DOCK9: variants seen among roughly 807,000 people sequenced by gnomAD.
The protein encoded by DOCK9 is dedicator of cytokinesis 9.
In DOCK9, 89 loss-of-function variants were observed where a neutral mutation model predicts 263.3. That is an observed-to-expected ratio of 0.34 (90% CI 0.28 to 0.40). The LOEUF is 0.40. Ranked by LOEUF, DOCK9 falls within the 10% of genes least tolerant of loss-of-function variation. The pLI, the probability that DOCK9 is intolerant of heterozygous loss-of-function variation, is 1.00. For synonymous variants in DOCK9, 976 were observed against 973.1 expected (o/e 1.00, Z -0.06); for missense variants, 2,140 against 2,603.4 (o/e 0.82, Z 3.87).
intron 1 of DOCK9, among the ~76,000 whole-genome samples, chr13:99,038,374 G>C (rs1174265578): frequency 1.6e-5 from 2 of 126,688 alleles, no homozygotes; most frequent in African/African-American, 3.0e-5. Context: ...GCGTGACCTT[G>C]GCTCACTGCA....
Position 98,888,266 on chromosome 13 carries a change from G to A in DOCK9, c.1978-43C>T, listed in dbSNP as rs754886211. 1.3e-5 allele frequency: 21 copies of A among 1,603,624 alleles called. No individual in the cohort carries two copies. The South Asian group carries it at 1.9e-4, about 15-fold the overall frequency. On this transcript the variant is annotated intron_variant, in intron 17 of 52. Coordinates refer to ENST00000682017, the MANE Select transcript of DOCK9 (RefSeq NM_001366683.2). ...ACAGAATAAGAAAAAACAACAGAAA[G>A]TCAGACTATGTAAGTATTTATAAAA...
In DOCK9 at chr13:98,879,929, G is replaced by T; in HGVS notation, c.2912C>A (p.Ala971Asp). 1 of 1,609,886 alleles carries T rather than the reference G, an allele frequency of 6.2e-7. No homozygotes were observed. The highest frequency in any genetic ancestry group is 1.1e-5 in the South Asian group (1 of 89,954). Residue 971 changes from alanine (A) to aspartate (D), a missense_variant, in exon 27 of 53, where the codon GCT becomes GAT. Coordinates refer to ENST00000682017, the MANE Select transcript of DOCK9 (RefSeq NM_001366683.2). ...TTTGGAGTTCTCTATCAAATGCTGA[G>T]CCATAGATTTGATCAGTACATCAAA... ...FFFDVLIKSM[A>D]QHLIENSKVK...
intron 39 of DOCK9, among the ~76,000 whole-genome samples, chr13:98,836,535 G>A (rs894126689): frequency 2.6e-5 from 4 of 152,040 alleles, no homozygotes; most frequent in Non-Finnish European, 4.4e-5. Flanking sequence ...CTGCTGGCCC[G>A]GATACCACAC....
intron 1 of DOCK9, among the ~76,000 whole-genome samples, chr13:98,967,429 A>G (rs1310902427): frequency 1.3e-5 from 2 of 152,216 alleles, no homozygotes; most frequent in Non-Finnish European, 2.9e-5. Flanking sequence ...TCACCATTTC[A>G]CTGATGAGGA....
chr13:98,996,937 T>A (rs374338567), intron 1 of DOCK9, among the ~76,000 whole-genome samples: 1 of 152,240 alleles, frequency 6.6e-6, no homozygotes, highest in African/African-American at 2.4e-5. Flanking sequence ...AAGAAACTCC[T>A]TGCATACTAA....
chr13:99,052,554 T>C (rs2040743687), intron 1 of DOCK9, among the ~76,000 whole-genome samples: 1 of 152,170 alleles, frequency 6.6e-6, no homozygotes, highest in African/African-American at 2.4e-5. Context: ...GTTGGCCACT[T>C]GTATGTCTTC....
chr13:98,935,866 C>A (rs1469524511), intron 2 of DOCK9, among the ~76,000 whole-genome samples: 1 of 152,148 alleles, frequency 6.6e-6, no homozygotes, highest in Non-Finnish European at 1.5e-5. Flanking sequence ...CCAATGGGGC[C>A]GTCAATGTTT....
rs1475542481 is a variant in DOCK9 at position 98,885,698 on chromosome 13, C to CT, written c.2260+9_2260+10insA. 1.9e-6 allele frequency: 3 copies of CT among 1,599,872 alleles called. No homozygotes were observed. Among genetic ancestry groups the CT allele is most frequent in the Non-Finnish European group, 2.6e-6 (3 of 1,174,906 alleles). ...TATTTAAAATCAAAGGAATGGTAAGCCCCCCCAACCTTGGGTTTCAACGAC... is the reference window on the plus strand; with the variant it reads ...TATTTAAAATCAAAGGAATGGTAAGCTCCCCCCAACCTTGGGTTTCAACGAC... On this transcript the variant is annotated intron_variant, in intron 20 of 52. Transcript: ENST00000682017.
intron 50 of DOCK9, 66 bp downstream of exon 50, chr13:98,800,222 G>A (rs905219891): frequency 4.7e-6 from 7 of 1,478,596 alleles, no homozygotes; most frequent in Admixed American, 4.4e-5. Context: ...TAGTGGAAAC[G>A]ACTCTCAAGT....
intron 39 of DOCK9, among the ~76,000 whole-genome samples, chr13:98,832,627 T>C (rs1474931427): frequency 2.0e-5 from 3 of 152,216 alleles, no homozygotes; most frequent in Non-Finnish European, 4.4e-5. Context: ...AACTGTAGAA[T>C]ATACACAGCA....
chr13:98,868,765 T>C (rs1284896701), intron 27 of DOCK9, among the ~76,000 whole-genome samples: 1 of 152,130 alleles, frequency 6.6e-6, no homozygotes, highest in East Asian at 1.9e-4. Flanking sequence ...AAAAACCCCA[T>C]AAAACCTCAG....
chr13:98,831,267 G>A, intron 41 of DOCK9, 81 bp downstream of exon 41: 1 of 1,417,352 alleles, frequency 7.1e-7, no homozygotes, highest in Non-Finnish European at 9.5e-7. Context: ...AGGTAAATTG[G>A]TTAATGTGAT....
At chr13:98,988,505 G>A (rs537838476) in intron 1 of DOCK9, among the ~76,000 whole-genome samples, 12 of 152,158 alleles carry the variant, frequency 7.9e-5, no homozygotes, top group East Asian at 1.9e-4. Flanking sequence ...CCGGTTCAAG[G>A]TCAGAGCTGT....
Position 98,864,874 on chromosome 13 carries a change from C to T in DOCK9, c.3287-1326G>A, listed in dbSNP as rs913036124. ...TTCTCGCTTTGAGTTCATGCGAGAT[C>T]TGGTTGTTTACGAGAGTGTGGCGCC... On this transcript the variant is annotated intron_variant, in intron 30 of 52. Coordinates refer to ENST00000682017, the MANE Select transcript of DOCK9 (RefSeq NM_001366683.2). Among the ~76,000 whole-genome samples, 81 of 152,064 alleles carry T rather than the reference C, an allele frequency of 5.3e-4. 1 individual carries two copies. Among genetic ancestry groups the T allele is most frequent in the Admixed American group, 4.7e-3 (72 of 15,268 alleles).
At chr13:98,979,229 T>TAGTAGTAGTAGTAGTAGCAGCAGCAGC (rs1555439294), upstream of DOCK9, among the ~76,000 whole-genome samples, 29 of 125,048 alleles carry the variant, frequency 2.3e-4, no homozygotes, top group South Asian at 5.2e-4. Flanking sequence ...GTAGTAGTAG[T>TAGTAGTAGTAGTAGTAGCAGCAGCAGC]AGCAGCAGCG....
At chr13:98,881,737 A>C in intron 24 of DOCK9, 110 bp from the exon 25 acceptor site, 1 of 1,293,404 alleles carries the variant, frequency 7.7e-7, no homozygotes, top group Non-Finnish European at 1.1e-6. Context: ...TTAGGAAACA[A>C]GGAGACAAGG....
chr13:98,901,392 G>A (rs1481502620), intron 13 of DOCK9, among the ~76,000 whole-genome samples: 1 of 152,130 alleles, frequency 6.6e-6, no homozygotes, highest in Non-Finnish European at 1.5e-5. Context: ...GGCATCTCCT[G>A]GTCTCCAGCC....
At chr13:99,010,542 T>C (rs939813985) in intron 1 of DOCK9, among the ~76,000 whole-genome samples, 2 of 152,178 alleles carry the variant, frequency 1.3e-5, no homozygotes, top group African/African-American at 4.8e-5. Context: ...GCTTCCTAAA[T>C]GAGTTGAACT....
rs753178723 is a variant in DOCK9 at position 98,824,524 on chromosome 13, G to A, written c.5024-20C>T. ...ACACGCCTAGGAAGAGAGGAAGGAGGGACAGTCAGAGTTAGGAACCTGAAC... is the reference window on the plus strand; with the variant it reads ...ACACGCCTAGGAAGAGAGGAAGGAGAGACAGTCAGAGTTAGGAACCTGAAC... On this transcript the variant is annotated intron_variant, in intron 44 of 52. Coordinates refer to ENST00000682017, the MANE Select transcript of DOCK9 (RefSeq NM_001366683.2). The A allele has an allele frequency of 6.2e-7, 1 of 1,609,586 alleles. No homozygotes were observed. Among genetic ancestry groups the A allele is most frequent in the Non-Finnish European group, 8.5e-7 (1 of 1,176,304 alleles).
Sources: allele counts gnomAD v4.1 joint callset (sites outside exome capture counted in the v4.1 genomes callset), GRCh38; gene constraint gnomAD v4.1.1; transcripts MANE v1.5; gene names NCBI Gene and HGNC (gene_info 2026-07-23, HGNC 2026-07-21).